Variants in TAFA2 observed in about 807,000 individuals in gnomAD.
The protein encoded by TAFA2 is TAFA chemokine like family member 2, also known as chemokine-like protein TAFA-2.
A neutral mutation model predicts 18.8 loss-of-function variants in TAFA2; 7 were observed. That is an observed-to-expected ratio of 0.37 (90% CI 0.21 to 0.70). The LOEUF is 0.70. TAFA2 is among the 30% of genes least tolerant of loss of function. The probability of loss-of-function intolerance (pLI) is 0.53; values close to 1 mark genes in which losing one functional copy is unlikely to be tolerated. For missense variants in TAFA2, 122 were observed against 158.1 expected (o/e 0.77, Z 1.23); for synonymous variants, 60 against 54.2 (o/e 1.11, Z -0.47).
At chr12:61,922,082 C>A (rs1181853371) in intron 1 of TAFA2, among the ~76,000 whole-genome samples, 1 of 151,254 alleles carries the variant, frequency 6.6e-6, no homozygotes, top group African/African-American at 2.5e-5. Context: ...AGAAGTACCA[C>A]AAAGACCAGA....
At chr12:61,724,506 C>A (rs1011580659) in intron 4 of TAFA2, among the ~76,000 whole-genome samples, 1 of 151,818 alleles carries the variant, frequency 6.6e-6, no homozygotes, top group Non-Finnish European at 1.5e-5. Flanking sequence ...GTACACTATA[C>A]CCAATGTGTA....
Position 62,207,560 on chromosome 12 carries a change from C to T in TAFA2, c.-130+51203G>A, listed in dbSNP as rs184433694. Reference sequence around the variant, plus strand: ...TCTTGCTGACCTCCAGAGGCCCACCCATTTGTTTCTGTTATCTACATTTAG... The same window carrying T: ...TCTTGCTGACCTCCAGAGGCCCACCTATTTGTTTCTGTTATCTACATTTAG... On this transcript the variant is annotated intron_variant, in intron 1 of 5. Coordinates refer to the TAFA2 transcript ENST00000551619. Among the ~76,000 whole-genome samples, 4 of 152,256 alleles carry T rather than the reference C, an allele frequency of 2.6e-5. No homozygotes were observed. In the East Asian group the frequency reaches 7.7e-4, roughly 29 times the overall value.
intron 1 of TAFA2, among the ~76,000 whole-genome samples, chr12:61,899,454 T>C (rs1876000329): frequency 6.6e-6 from 1 of 152,202 alleles, no homozygotes; most frequent in African/African-American, 2.4e-5. Flanking sequence ...CTTACTATCA[T>C]GGCAGAAGGG....
chr12:62,004,750 T>A (rs1880489944), intron 1 of TAFA2, among the ~76,000 whole-genome samples: 2 of 152,108 alleles, frequency 1.3e-5, no homozygotes, highest in African/African-American at 4.8e-5. Context: ...GCAGCATTAT[T>A]CATAATAGTC....
At chr12:61,912,017 T>C (rs1165456581) in intron 1 of TAFA2, among the ~76,000 whole-genome samples, 1 of 152,224 alleles carries the variant, frequency 6.6e-6, no homozygotes, top group East Asian at 1.9e-4. Context: ...TGGAACCTAA[T>C]GATACTGATA....
intron 2 of TAFA2, among the ~76,000 whole-genome samples, chr12:61,817,370 T>C (rs1273370768): frequency 2.0e-5 from 3 of 152,182 alleles, no homozygotes; most frequent in East Asian, 3.8e-4. Context: ...ATTATTATTA[T>C]AGTGAAACTA....
intron 1 of TAFA2, among the ~76,000 whole-genome samples, chr12:62,142,234 G>T (rs544707862): frequency 6.6e-6 from 1 of 152,110 alleles, no homozygotes; most frequent in Non-Finnish European, 1.5e-5. Context: ...ACCTGAGCCT[G>T]GTGTAGTGCC....
At chr12:61,742,017 C>G (rs1310037567) in intron 4 of TAFA2, among the ~76,000 whole-genome samples, 2 of 152,098 alleles carry the variant, frequency 1.3e-5, no homozygotes, top group Non-Finnish European at 2.9e-5. Context: ...ATGCCTCAGC[C>G]TCCCGAGGCC....
intron 1 of TAFA2, among the ~76,000 whole-genome samples, chr12:62,095,382 A>G (rs923393853): frequency 1.3e-5 from 2 of 152,146 alleles, no homozygotes; most frequent in Admixed American, 6.6e-5. Context: ...GAAAATAAAC[A>G]TGACACTGTG....
chr12:62,022,373 T>G (rs1881171566), intron 1 of TAFA2, among the ~76,000 whole-genome samples: 1 of 152,198 alleles, frequency 6.6e-6, no homozygotes, highest in Non-Finnish European at 1.5e-5. Context: ...TTATATGTAA[T>G]GCCATTTTCT....
chr12:62,002,352 T>C (rs746807623), intron 1 of TAFA2, among the ~76,000 whole-genome samples: 1 of 152,220 alleles, frequency 6.6e-6, no homozygotes, highest in African/African-American at 2.4e-5. Context: ...GTTCTTTCTC[T>C]AACTGAAATC....
intron 1 of TAFA2, chr12:62,234,428 C>T: frequency 1.3e-6 from 1 of 746,518 alleles, no homozygotes; most frequent in Non-Finnish European, 2.5e-6. Flanking sequence ...CCATTGTTGG[C>T]CCGTGGGTCT....
chr12:61,923,836 C>A (rs1291566960), intron 1 of TAFA2, among the ~76,000 whole-genome samples: 2 of 151,762 alleles, frequency 1.3e-5, no homozygotes, highest in Non-Finnish European at 2.9e-5. Context: ...AAGCTAAGAA[C>A]CTTGATAAAA....
At chr12:62,176,923 T>C (rs1056189008) in intron 1 of TAFA2, among the ~76,000 whole-genome samples, 1 of 152,220 alleles carries the variant, frequency 6.6e-6, no homozygotes, top group African/African-American at 2.4e-5. Flanking sequence ...GAACATCTGA[T>C]TCAAGACTCA....
At chr12:61,717,937 T>G (rs2120574964) in intron 4 of TAFA2, among the ~76,000 whole-genome samples, 1 of 152,334 alleles carries the variant, frequency 6.6e-6, no homozygotes, top group East Asian at 1.9e-4. Context: ...TCTGACTCAC[T>G]TCTTGCCTCC....
At chr12:62,154,751 C>T (rs2062356755) in intron 1 of TAFA2, among the ~76,000 whole-genome samples, 2 of 152,064 alleles carry the variant, frequency 1.3e-5, no homozygotes, top group South Asian at 4.1e-4. Context: ...TATATGTTAG[C>T]TCACACACAT....
chr12:61,857,222 G>A (rs2121181233), intron 2 of TAFA2, among the ~76,000 whole-genome samples: 1 of 152,050 alleles, frequency 6.6e-6, no homozygotes, highest in African/African-American at 2.4e-5. Context: ...TAGAAACATT[G>A]AGTTGGCAAA....
intron 2 of TAFA2, among the ~76,000 whole-genome samples, chr12:61,797,910 A>G (rs1871250616): frequency 6.6e-6 from 1 of 152,218 alleles, no homozygotes; most frequent in East Asian, 1.9e-4. Context: ...ATTCAAGCAC[A>G]GTAAGAAATA....
At chr12:61,906,995 T>C (rs1876384989) in intron 1 of TAFA2, among the ~76,000 whole-genome samples, 1 of 152,142 alleles carries the variant, frequency 6.6e-6, no homozygotes, top group Non-Finnish European at 1.5e-5. Flanking sequence ...CAGTTTTATG[T>C]ATTCACAAAG....
Sources: allele counts gnomAD v4.1 joint callset (sites outside exome capture counted in the v4.1 genomes callset), GRCh38; gene constraint gnomAD v4.1.1; transcripts MANE v1.5; gene names NCBI Gene and HGNC (gene_info 2026-07-23, HGNC 2026-07-21).